The following FSTL5 variants were observed in gnomAD, a reference collection of about 807,000 sequenced individuals.
The protein encoded by FSTL5 is follistatin-related protein 5.
In FSTL5, 62 loss-of-function variants were observed where a neutral mutation model predicts 89.1. The ratio of observed to expected loss-of-function variants is 0.70; its 90% CI spans 0.57 to 0.86. The LOEUF (loss-of-function observed/expected upper bound fraction) is 0.86, where lower values mean the gene tolerates loss of function less well. FSTL5 is among the 40% of genes least tolerant of loss of function. The pLI, the probability that FSTL5 is intolerant of heterozygous loss-of-function variation, is 0.00. For synonymous variants in FSTL5, 383 were observed against 346.2 expected, an observed-to-expected ratio of 1.11 and a Z score of -1.18; for missense variants, 1,057 against 1,001.6, an observed-to-expected ratio of 1.06 and a Z score of -0.75.
rs185575929 is a variant in FSTL5 at position 161,663,760 on chromosome 4, C to T, written c.728-7266G>A. Among the ~76,000 whole-genome samples, 539 of 152,330 alleles carry T rather than the reference C, an allele frequency of 3.5e-3. 4 individuals are homozygous for T. Among genetic ancestry groups the T allele is most frequent in the African/African-American group, 0.01 (418 of 41,582 alleles). On this transcript the variant is annotated intron_variant, in intron 6 of 15. Coordinates refer to ENST00000306100, the MANE Select transcript of FSTL5 (RefSeq NM_020116.5). The stretch of plus-strand genomic sequence containing the variant: ...TAGAGACTCTGTGTGGGGGCTCCAA[C>T]CCCACATTTTCCTTCCACAGTGCCC...
intron 5 of FSTL5, among the ~76,000 whole-genome samples, chr4:161,772,483 T>C (rs189189435): frequency 3.0e-4 from 43 of 143,674 alleles, no homozygotes; most frequent in Non-Finnish European, 4.9e-4. Context: ...CTAGAACTGA[T>C]AAATGAATTC....
At chr4:161,609,363 A>G (rs1235434019) in intron 7 of FSTL5, among the ~76,000 whole-genome samples, 2 of 152,152 alleles carry the variant, frequency 1.3e-5, no homozygotes, top group Non-Finnish European at 2.9e-5. Context: ...TTTGCCATTT[A>G]GATTTATCAG....
intron 7 of FSTL5, among the ~76,000 whole-genome samples, chr4:161,631,303 C>G (rs1051936411): frequency 1.3e-5 from 2 of 152,104 alleles, no homozygotes; most frequent in Non-Finnish European, 2.9e-5. Context: ...TGCTTAGTCC[C>G]CAGTTCATAA....
chr4:161,506,736 C>T (rs1437367111), intron 11 of FSTL5, among the ~76,000 whole-genome samples: 1 of 151,998 alleles, frequency 6.6e-6, no homozygotes, highest in Non-Finnish European at 1.5e-5. Context: ...AATCTGTTTT[C>T]CCCCAACTGG....
intron 6 of FSTL5, among the ~76,000 whole-genome samples, chr4:161,657,016 A>G (rs1019376640): frequency 6.6e-5 from 10 of 152,176 alleles, no homozygotes; most frequent in African/African-American, 2.4e-4. Context: ...AATTAAGTAA[A>G]ATTCCATCAG....
At chr4:162,053,999 G>T (rs1445352279) in intron 2 of FSTL5, among the ~76,000 whole-genome samples, 2 of 151,482 alleles carry the variant, frequency 1.3e-5, no homozygotes, top group Non-Finnish European at 3.0e-5. Flanking sequence ...AAAACCCAAA[G>T]TAAAATATTA....
At chr4:161,608,878 C>T (rs1734546363) in intron 7 of FSTL5, among the ~76,000 whole-genome samples, 1 of 152,018 alleles carries the variant, frequency 6.6e-6, no homozygotes, top group African/African-American at 2.4e-5. Context: ...TAGCCACAGT[C>T]TTTTCCATAT....
At chr4:161,782,487 T>C (rs1741709073) in intron 4 of FSTL5, among the ~76,000 whole-genome samples, 1 of 152,172 alleles carries the variant, frequency 6.6e-6, no homozygotes, top group African/African-American at 2.4e-5. Flanking sequence ...TTATTTTAGT[T>C]CATAAGTGAT....
chr4:161,698,473 T>C (rs964784621), intron 6 of FSTL5, among the ~76,000 whole-genome samples: 2 of 152,188 alleles, frequency 1.3e-5, no homozygotes, highest in Admixed American at 1.3e-4. Context: ...TAGTCAATGA[T>C]GAGGTATTGT....
chr4:161,958,506 G>T (rs1310797052), intron 3 of FSTL5, among the ~76,000 whole-genome samples: 1 of 152,036 alleles, frequency 6.6e-6, no homozygotes, highest in Non-Finnish European at 1.5e-5. Flanking sequence ...ACACAATTTG[G>T]TCTCTTTGTT....
chr4:161,591,397 C>A (rs1445760949), intron 7 of FSTL5, among the ~76,000 whole-genome samples: 1 of 152,130 alleles, frequency 6.6e-6, no homozygotes, highest in African/African-American at 2.4e-5. Flanking sequence ...ATGATGGCTG[C>A]ACAATTTTGC....
At chr4:161,662,173 G>A (rs894123068) in intron 6 of FSTL5, among the ~76,000 whole-genome samples, 7 of 152,120 alleles carry the variant, frequency 4.6e-5, no homozygotes, top group African/African-American at 1.4e-4. Flanking sequence ...ACTGCAGCAC[G>A]CTGTTACCTA....
At chr4:161,806,791 G>A (rs906599420) in intron 4 of FSTL5, among the ~76,000 whole-genome samples, 1 of 151,916 alleles carries the variant, frequency 6.6e-6, no homozygotes, top group Non-Finnish European at 1.5e-5. Flanking sequence ...AGATAAAATC[G>A]GTGTATGACT....
rs896096963 is a variant in FSTL5, at chr4:162,071,208, A to C, written c.127-37550T>G. On this transcript the variant is annotated intron_variant, in intron 2 of 15. Transcript: ENST00000306100. ...TAGACTGGCTGAATTAATAAAAATG[A>C]AATAAAATACAACAAGATGCAACTG... Among the ~76,000 whole-genome samples, 9 of 151,702 alleles carry C rather than the reference A, an allele frequency of 5.9e-5. No individual in the cohort carries two copies. In the East Asian group the frequency reaches 1.7e-3, roughly 29 times the overall value.
chr4:161,423,083 A>G (rs974523254), intron 15 of FSTL5, among the ~76,000 whole-genome samples: 1 of 152,208 alleles, frequency 6.6e-6, no homozygotes, highest in Non-Finnish European at 1.5e-5. Context: ...CACTATGTCA[A>G]GTACTTCCTT....
chr4:161,996,044 C>T (rs1446757006), intron 3 of FSTL5, among the ~76,000 whole-genome samples: 2 of 152,078 alleles, frequency 1.3e-5, no homozygotes, highest in African/African-American at 2.4e-5. Context: ...TTTACTAAGG[C>T]CCAGACAAAC....
intron 4 of FSTL5, among the ~76,000 whole-genome samples, chr4:161,883,758 G>T (rs181314699): frequency 6.6e-6 from 1 of 152,276 alleles, no homozygotes; most frequent in Admixed American, 6.5e-5. Flanking sequence ...AGAGACCAGA[G>T]CTTCACACGT....
At chr4:161,447,842 G>C (rs900171489) in intron 15 of FSTL5, among the ~76,000 whole-genome samples, 6 of 152,032 alleles carry the variant, frequency 3.9e-5, no homozygotes, top group African/African-American at 7.2e-5. Context: ...ACAATGGTTT[G>C]CACATATATA....
At chr4:162,084,759 A>G (rs1233987296) in intron 2 of FSTL5, among the ~76,000 whole-genome samples, 1 of 151,842 alleles carries the variant, frequency 6.6e-6, no homozygotes, top group Non-Finnish European at 1.5e-5. Flanking sequence ...AACATCACAC[A>G]CCGGCACCTA....
Sources: allele counts gnomAD v4.1 joint callset (sites outside exome capture counted in the v4.1 genomes callset), GRCh38; gene constraint gnomAD v4.1.1; transcripts MANE v1.5; gene names NCBI Gene and HGNC (gene_info 2026-07-23, HGNC 2026-07-21).